Variants in TGFBR3 observed in about 807,000 individuals in gnomAD.
TGFBR3 encodes the protein transforming growth factor beta receptor 3, also known as transforming growth factor beta receptor type 3.
In TGFBR3, 46 loss-of-function variants were observed where a neutral mutation model predicts 87.9. That is an observed-to-expected ratio of 0.52 (90% CI 0.41 to 0.67). The LOEUF is 0.67. Ranked by LOEUF, TGFBR3 falls within the 30% of genes least tolerant of loss-of-function variation. The pLI is 0.00. For missense variants in TGFBR3, 866 were observed against 1,041.9 expected (o/e 0.83, Z 2.32); for synonymous variants, 381 against 391.6 (o/e 0.97, Z 0.32).
chr1:91,773,575 G>A (rs1674462107), intron 3 of TGFBR3, among the ~76,000 whole-genome samples: 1 of 152,224 alleles, frequency 6.6e-6, no homozygotes, highest in Non-Finnish European at 1.5e-5. Flanking sequence ...CAGCTAATCA[G>A]GAGGCTGAGG....
chr1:91,796,637 G>A (rs886533433), intron 3 of TGFBR3, among the ~76,000 whole-genome samples: 5 of 152,194 alleles, frequency 3.3e-5, no homozygotes, highest in Non-Finnish European at 5.9e-5. Flanking sequence ...AGAGGACACA[G>A]GAGGAAATGG....
chr1:91,728,348 A>C (rs576318957), intron 6 of TGFBR3, among the ~76,000 whole-genome samples: 4 of 152,240 alleles, frequency 2.6e-5, no homozygotes, highest in Non-Finnish European at 5.9e-5. Context: ...GGTTTGCTTA[A>C]GTCATTAACA....
intron 6 of TGFBR3, among the ~76,000 whole-genome samples, chr1:91,729,031 CAT>C (rs1280403203): frequency 2.0e-5 from 2 of 98,484 alleles, no homozygotes; most frequent in African/African-American, 8.3e-5. Flanking sequence ...GCCACTCCAG[CAT>C]ACACACACAC....
At chr1:91,762,291 A>C (rs284180) in intron 3 of TGFBR3, among the ~76,000 whole-genome samples, 56,880 of 152,010 alleles carry the variant, frequency 0.37, 11,583 homozygotes, top group Middle Eastern at 0.45. Flanking sequence ...AAACTTTTGC[A>C]GACAATGTCA....
At chr1:91,748,722 GTATTATTATTATTAT>G (rs56351917) in intron 4 of TGFBR3, among the ~76,000 whole-genome samples, 23,731 of 148,552 alleles carry the variant, frequency 0.16, 1,997 homozygotes, top group East Asian at 0.25. Flanking sequence ...ATTCTGGAAA[GTATTATTATTATTAT>G]TATTATTATT....
At chr1:91,805,716 G>A (rs1675802906) in intron 2 of TGFBR3, among the ~76,000 whole-genome samples, 2 of 152,184 alleles carry the variant, frequency 1.3e-5, no homozygotes, top group South Asian at 4.1e-4. Context: ...GTGAGAAGCT[G>A]GGGGTTAACT....
At chr1:91,716,154 TGTACA>T in intron 12 of TGFBR3, 77 bp downstream of exon 12, 1 of 1,550,734 alleles carries the variant, frequency 6.4e-7, no homozygotes, top group Non-Finnish European at 8.9e-7. Flanking sequence ...GGAAGAGGTC[TGTACA>T]GGGTATTTTA....
chr1:91,861,272 C>T (rs574178247), intron 2 of TGFBR3, among the ~76,000 whole-genome samples, 199 bp downstream of exon 2: 5 of 152,126 alleles, frequency 3.3e-5, no homozygotes, highest in African/African-American at 9.6e-5. Context: ...TGGTGGCACA[C>T]GCCTGTAGTC....
intron 2 of TGFBR3, among the ~76,000 whole-genome samples, chr1:91,852,487 G>A (rs1677776155): frequency 6.6e-6 from 1 of 152,246 alleles, no homozygotes; most frequent in Non-Finnish European, 1.5e-5. Flanking sequence ...TAGGTGGGGA[G>A]GTGCTTCATC....
At chr1:91,713,005 A>C (rs1571431748) in intron 12 of TGFBR3, among the ~76,000 whole-genome samples, 1 of 152,232 alleles carries the variant, frequency 6.6e-6, no homozygotes, top group African/African-American at 2.4e-5. Context: ...TAACCTAGGC[A>C]GGAAGACTGA....
intron 2 of TGFBR3, among the ~76,000 whole-genome samples, chr1:91,825,690 T>A (rs1272301910): frequency 1.3e-5 from 2 of 152,214 alleles, no homozygotes; most frequent in African/African-American, 4.8e-5. Context: ...CTATCAATAG[T>A]CCACTTGTGG....
intron 4 of TGFBR3, among the ~76,000 whole-genome samples, chr1:91,747,032 A>C (rs1673374414): frequency 1.3e-5 from 2 of 152,234 alleles, no homozygotes; most frequent in Admixed American, 6.5e-5. Flanking sequence ...TCCTAAGTGC[A>C]TGTCACATGG....
intron 2 of TGFBR3, among the ~76,000 whole-genome samples, chr1:91,896,922 T>TTTC (rs906951477): frequency 2.0e-5 from 3 of 149,702 alleles, no homozygotes; most frequent in African/African-American, 7.3e-5. Flanking sequence ...TTTCTTTTCT[T>TTTC]TTTTTTTTTT....
rs1670914876 is a variant in TGFBR3, at chr1:91,681,718, A to G, written c.*2021T>C. On this transcript the variant is annotated 3_prime_UTR_variant, in exon 17 of 17. Coordinates refer to ENST00000212355, the MANE Select transcript of TGFBR3 (RefSeq NM_003243.5). The stretch of plus-strand genomic sequence containing the variant: ...ACACTTAAATATATCTTTATACACA[A>G]ATTTTGTAGTAAAATATAGCTATAA... 1 of 433,996 alleles carries G rather than the reference A, an allele frequency of 2.3e-6. No individual in the cohort carries two copies. Among genetic ancestry groups the G allele is most frequent in the African/African-American group, 2.1e-5 (1 of 48,694 alleles). The allele number at this position is 433,996 out of a possible 1,614,324, so 26.9% of individuals were successfully genotyped here. A position where few individuals can be genotyped will look rare whatever the true frequency, so the allele number is the denominator to read the frequency against.
At chr1:91,761,372 C>G (rs1327082592) in intron 3 of TGFBR3, among the ~76,000 whole-genome samples, 1 of 152,162 alleles carries the variant, frequency 6.6e-6, no homozygotes, top group Admixed American at 6.5e-5. Flanking sequence ...TTCCTGGAAA[C>G]AGCTCCCTCT....
At chr1:91,691,201 T>C (rs964041358) in intron 16 of TGFBR3, among the ~76,000 whole-genome samples, 2 of 151,928 alleles carry the variant, frequency 1.3e-5, no homozygotes, top group Admixed American at 1.3e-4. Flanking sequence ...ATAAAATGAT[T>C]TCTAAAATGA....
intron 3 of TGFBR3, among the ~76,000 whole-genome samples, chr1:91,784,507 T>C (rs1334113220): frequency 6.6e-6 from 1 of 152,084 alleles, no homozygotes; most frequent in Non-Finnish European, 1.5e-5. Flanking sequence ...ATAAAACATA[T>C]AATTCCATAC....
intron 1 of TGFBR3, among the ~76,000 whole-genome samples, chr1:91,902,577 C>A (rs1326601278): frequency 1.3e-5 from 2 of 152,002 alleles, no homozygotes; most frequent in East Asian, 3.9e-4. Context: ...GCCACCACAC[C>A]CAGCCAAGTG....
rs780083499 is a variant in TGFBR3, at chr1:91,746,966, T to C, written c.384+11647A>G. Among the ~76,000 whole-genome samples the C allele has an allele frequency of 8.2e-4, 125 of 152,168 alleles. 1 individual carries two copies. Among genetic ancestry groups the C allele is most frequent in the South Asian group, 3.7e-3 (18 of 4,828 alleles). ...TAGACACGCACATCCCTCAGCCTCA[T>C]GTTAATAAAACACTAGGAAATATGA... On this transcript the variant is annotated intron_variant, in intron 4 of 16. Coordinates refer to ENST00000212355, the MANE Select transcript of TGFBR3 (RefSeq NM_003243.5).
Sources: gnomAD v4.1 joint callset for allele counts (sites outside exome capture counted in the v4.1 genomes callset) on GRCh38, gnomAD v4.1.1 for gene constraint, MANE v1.5 for transcripts, NCBI Gene and HGNC (gene_info 2026-07-23, HGNC 2026-07-21) for gene names.